The following TEC variants were observed in gnomAD, a reference collection of about 807,000 sequenced individuals.
TEC encodes tec protein tyrosine kinase, also known as tyrosine-protein kinase Tec.
In TEC, 72 loss-of-function variants were observed where a neutral mutation model predicts 93.0. The ratio of observed to expected loss-of-function variants is 0.77; its 90% CI spans 0.64 to 0.94. The LOEUF (loss-of-function observed/expected upper bound fraction) is 0.94. TEC is among the 40% of genes least tolerant of loss of function. The probability of loss-of-function intolerance (pLI) is 0.00; values close to 1 mark genes in which losing one functional copy is unlikely to be tolerated. For synonymous variants in TEC, 249 were observed against 247.7 expected, an observed-to-expected ratio of 1.01 and a Z score of -0.05; for missense variants, 630 against 757.9, an observed-to-expected ratio of 0.83 and a Z score of 1.98.
intron 2 of TEC, among the ~76,000 whole-genome samples, chr4:48,194,882 A>G (rs1722239767): frequency 6.6e-6 from 1 of 152,218 alleles, no homozygotes; most frequent in Non-Finnish European, 1.5e-5. Context: ...TTCTACAGGA[A>G]TATTCATTCA....
At chr4:48,200,728 T>C (rs1229333215) in intron 2 of TEC, among the ~76,000 whole-genome samples, 1 of 152,238 alleles carries the variant, frequency 6.6e-6, no homozygotes, top group Non-Finnish European at 1.5e-5. Context: ...GCTAAAGGGA[T>C]CTGACTCTGG....
intron 2 of TEC, among the ~76,000 whole-genome samples, chr4:48,201,488 G>A (rs558075861): frequency 5.8e-4 from 89 of 152,252 alleles, no homozygotes; most frequent in African/African-American, 1.9e-3. Flanking sequence ...TGTGAGAGGC[G>A]GGCAGAGAAA....
intron 1 of TEC, among the ~76,000 whole-genome samples, chr4:48,242,058 C>T (rs1723935850): frequency 6.6e-6 from 1 of 152,160 alleles, no homozygotes; most frequent in African/African-American, 2.4e-5. Context: ...CTATTAAGGA[C>T]TTTAAAAGTG....
intron 11 of TEC, among the ~76,000 whole-genome samples, chr4:48,147,352 A>G (rs1192623684): frequency 6.6e-6 from 1 of 152,232 alleles, no homozygotes; most frequent in Non-Finnish European, 1.5e-5. Context: ...ATAAGAGAAC[A>G]AATGTGGAAA....
intron 2 of TEC, among the ~76,000 whole-genome samples, chr4:48,181,642 C>G (rs1418834435): frequency 6.8e-6 from 1 of 147,846 alleles, no homozygotes; most frequent in East Asian, 2.0e-4. Context: ...CACTGCATTC[C>G]AGCCTGGGCA....
chr4:48,191,523 GA>G (rs1264566797), intron 2 of TEC, among the ~76,000 whole-genome samples: 2 of 152,164 alleles, frequency 1.3e-5, no homozygotes, highest in Non-Finnish European at 2.9e-5. Flanking sequence ...TATAGGAGTA[GA>G]CAGTTAAGTT....
At position 48,171,381 on chromosome 4, in the gene TEC, C is replaced by A; in HGVS notation, c.312G>T (p.Lys104Asn). ...PSPQSRDLWVKKLKEEIKNNN... is the reference protein window; with the variant it reads ...PSPQSRDLWVNKLKEEIKNNN... Reference sequence around the variant, plus strand: ...ATTGAGTTTTACCTTCTTTTAACTTCTTCACCCACAGGTCCCTGCTTTGTG... The same window carrying A: ...ATTGAGTTTTACCTTCTTTTAACTTATTCACCCACAGGTCCCTGCTTTGTG... The change falls in exon 4 of 18, where the codon AAG becomes AAT. Residue 104 changes from lysine (K) to asparagine (N), a missense_variant. Around this residue, in one of 3 missense-constraint regions of TEC, gnomAD observed 335 missense variants for 351.5 expected, o/e 0.95. Transcript: ENST00000381501. 1 of 1,613,266 alleles carries A rather than the reference C, an allele frequency of 6.2e-7. No homozygotes were observed. Among genetic ancestry groups the A allele is most frequent in the Non-Finnish European group, 8.5e-7 (1 of 1,179,734 alleles).
At chr4:48,218,775 C>G (rs530407925) in intron 2 of TEC, among the ~76,000 whole-genome samples, 3 of 152,126 alleles carry the variant, frequency 2.0e-5, no homozygotes, top group Admixed American at 6.5e-5. Context: ...CCCAGGAGAG[C>G]CTATACAAAT....
At chr4:48,187,218 G>A (rs1293157153) in intron 2 of TEC, among the ~76,000 whole-genome samples, 2 of 152,260 alleles carry the variant, frequency 1.3e-5, no homozygotes, top group East Asian at 3.9e-4. Flanking sequence ...TTGTTAAACA[G>A]ATGCTTGAAG....
intron 2 of TEC, among the ~76,000 whole-genome samples, chr4:48,216,018 T>C (rs998330835): frequency 6.6e-6 from 1 of 152,174 alleles, no homozygotes; most frequent in African/African-American, 2.4e-5. Flanking sequence ...TTCCTCCTTA[T>C]TACTAACAAA....
intron 2 of TEC, among the ~76,000 whole-genome samples, chr4:48,187,043 TAGAAAGA>T (rs1721903407): frequency 6.6e-6 from 1 of 152,266 alleles, no homozygotes; most frequent in Non-Finnish European, 1.5e-5. Context: ...TGTGTCTGTG[TAGAAAGA>T]AGTAGACCTG....
intron 2 of TEC, among the ~76,000 whole-genome samples, chr4:48,213,759 T>C (rs544196318): frequency 3.3e-5 from 5 of 152,318 alleles, no homozygotes; most frequent in Non-Finnish European, 4.4e-5. Context: ...AGATTAATAC[T>C]AATAAATACT....
intron 11 of TEC, among the ~76,000 whole-genome samples, chr4:48,147,258 C>T (rs186566870): frequency 4.9e-4 from 75 of 152,232 alleles, no homozygotes; most frequent in Middle Eastern, 3.4e-3. Context: ...CGCAGCATAC[C>T]CATAACTAGG....
At chr4:48,149,444 C>A (rs995600743) in intron 11 of TEC, 113 bp downstream of exon 11, 3 of 1,075,366 alleles carry the variant, frequency 2.8e-6, no homozygotes, top group South Asian at 2.2e-5. Flanking sequence ...TAAAATCAAC[C>A]ACATTCTACA....
intron 11 of TEC, among the ~76,000 whole-genome samples, chr4:48,148,820 C>A (rs1720027389): frequency 6.6e-6 from 1 of 152,150 alleles, no homozygotes; most frequent in Non-Finnish European, 1.5e-5. Context: ...CCTCTCTGTC[C>A]TCCCAACCTC....
intron 1 of TEC, among the ~76,000 whole-genome samples, chr4:48,250,795 C>T (rs891569455): frequency 6.6e-6 from 1 of 152,208 alleles, no homozygotes; most frequent in Non-Finnish European, 1.5e-5. Context: ...GGACCACAGA[C>T]ACATGGGCAA....
At chr4:48,179,608 C>G in intron 2 of TEC, among the ~76,000 whole-genome samples, 1 of 151,462 alleles carries the variant, frequency 6.6e-6, no homozygotes, top group Non-Finnish European at 1.5e-5. Context: ...GGGCTGGTCT[C>G]AAACTCCTGA....
At chr4:48,256,058 TTATG>T (rs1724332426) in intron 1 of TEC, among the ~76,000 whole-genome samples, 1 of 152,132 alleles carries the variant, frequency 6.6e-6, no homozygotes, top group Admixed American at 6.5e-5. Context: ...GGAAATACAA[TTATG>T]AATAACACAC....
At chr4:48,206,509 C>T (rs541421739) in intron 2 of TEC, among the ~76,000 whole-genome samples, 14 of 152,028 alleles carry the variant, frequency 9.2e-5, no homozygotes, top group African/African-American at 1.9e-4. Flanking sequence ...ATAGGTATTT[C>T]GATAGAGACT....
Sources: allele counts gnomAD v4.1 joint callset (sites outside exome capture counted in the v4.1 genomes callset), GRCh38; gene constraint gnomAD v4.1.1; regional missense constraint gnomAD v4.1.1; transcripts MANE v1.5; gene names NCBI Gene and HGNC (gene_info 2026-07-23, HGNC 2026-07-21).